The following PKIA variants were observed in gnomAD, a reference collection of about 807,000 sequenced individuals.
The protein encoded by PKIA is PKI-alpha.
PKIA carries 4 observed loss-of-function variants against 7.6 expected under a neutral mutation model. The ratio of observed to expected loss-of-function variants is 0.52; its 90% confidence interval spans 0.26 to 1.20. PKIA has a LOEUF of 1.20. Among genes scored for constraint, PKIA ranks in the 50% most tolerant of loss-of-function variants. PKIA has a pLI of 0.13. For missense variants in PKIA, 73 were observed against 86.2 expected (o/e 0.85, Z 0.61); for synonymous variants, 21 against 30.7 (o/e 0.68, Z 1.04).
At chr8:78,544,543 A>T (rs1467266896) in intron 1 of PKIA, among the ~76,000 whole-genome samples, 1 of 152,210 alleles carries the variant, frequency 6.6e-6, no homozygotes, top group East Asian at 1.9e-4. Flanking sequence ...CACCTAGCAC[A>T]TGGAAAACAC....
chr8:78,554,251 G>T (rs1373177256), intron 1 of PKIA, among the ~76,000 whole-genome samples: 1 of 151,966 alleles, frequency 6.6e-6, no homozygotes, highest in Non-Finnish European at 1.5e-5. Flanking sequence ...TTGACGCCAG[G>T]CCAGGGTTTT....
At chr8:78,576,731 G>C (rs1481347303) in intron 2 of PKIA, among the ~76,000 whole-genome samples, 2 of 151,990 alleles carry the variant, frequency 1.3e-5, no homozygotes, top group Non-Finnish European at 2.9e-5. Flanking sequence ...CCAGGATTTT[G>C]TCTTTGACAG....
intron 2 of PKIA, among the ~76,000 whole-genome samples, chr8:78,579,403 C>T (rs1807754681): frequency 6.6e-6 from 1 of 151,996 alleles, no homozygotes; most frequent in Non-Finnish European, 1.5e-5. Context: ...TTCCTTCTGC[C>T]TTACTGTCCA....
At chr8:78,546,715 C>T (rs1031560169) in intron 1 of PKIA, among the ~76,000 whole-genome samples, 1 of 152,134 alleles carries the variant, frequency 6.6e-6, no homozygotes, top group African/African-American at 2.4e-5. Context: ...AAATAGATGC[C>T]ATAAATATGT....
intron 1 of PKIA, among the ~76,000 whole-genome samples, chr8:78,550,860 T>C (rs1315325369): frequency 1.3e-5 from 2 of 152,050 alleles, no homozygotes; most frequent in Non-Finnish European, 2.9e-5. Flanking sequence ...ATCATTCTTA[T>C]GCCTTTGCAT....
chr8:78,571,654 T>C (rs1302590545), intron 1 of PKIA, among the ~76,000 whole-genome samples: 1 of 152,148 alleles, frequency 6.6e-6, no homozygotes, highest in Non-Finnish European at 1.5e-5. Flanking sequence ...TGTGCCTCTC[T>C]TGGCTTTCTT....
At chr8:78,553,494 T>C (rs1436092781) in intron 1 of PKIA, among the ~76,000 whole-genome samples, 5 of 152,044 alleles carry the variant, frequency 3.3e-5, no homozygotes, top group African/African-American at 1.2e-4. Flanking sequence ...GTTTGTTTTA[T>C]TGAATTGGTT....
chr8:78,593,698 A>T (rs1808158878), intron 2 of PKIA, among the ~76,000 whole-genome samples: 1 of 152,200 alleles, frequency 6.6e-6, no homozygotes, highest in Admixed American at 6.5e-5. Flanking sequence ...TTACTCATAG[A>T]CAGGCTGCCT....
chr8:78,566,940 T>C (rs1011982691), intron 1 of PKIA, among the ~76,000 whole-genome samples: 2 of 152,168 alleles, frequency 1.3e-5, no homozygotes, highest in African/African-American at 4.8e-5. Context: ...TATTGCTTAT[T>C]GAATTGGAAT....
At chr8:78,582,372 A>G (rs964721369) in intron 2 of PKIA, among the ~76,000 whole-genome samples, 1 of 152,038 alleles carries the variant, frequency 6.6e-6, no homozygotes, top group Non-Finnish European at 1.5e-5. Context: ...ACAGGGTGGC[A>G]GGAGAGAGAA....
intron 2 of PKIA, among the ~76,000 whole-genome samples, chr8:78,589,264 T>C (rs541145269): frequency 1.3e-5 from 2 of 152,208 alleles, no homozygotes; most frequent in Non-Finnish European, 2.9e-5. Flanking sequence ...AAATAAAATT[T>C]AAAGAGCATA....
At chr8:78,523,411 G>C (rs972834944) in intron 1 of PKIA, among the ~76,000 whole-genome samples, 5 of 151,846 alleles carry the variant, frequency 3.3e-5, no homozygotes. Context: ...GTCTGAATAA[G>C]CAACACCATG....
intron 1 of PKIA, among the ~76,000 whole-genome samples, chr8:78,568,193 A>G (rs1160749997): frequency 4.6e-5 from 7 of 152,198 alleles, no homozygotes; most frequent in Non-Finnish European, 7.3e-5. Flanking sequence ...GTTGCTATGC[A>G]TATGTACATC....
At chr8:78,585,355 C>T (rs1807924593) in intron 2 of PKIA, among the ~76,000 whole-genome samples, 1 of 151,874 alleles carries the variant, frequency 6.6e-6, no homozygotes, top group Non-Finnish European at 1.5e-5. Context: ...CTTAAACTAG[C>T]CTGAAAGATT....
chr8:78,597,598 C>T (rs1808255581), intron 2 of PKIA, among the ~76,000 whole-genome samples: 1 of 152,116 alleles, frequency 6.6e-6, no homozygotes, highest in Admixed American at 6.5e-5. Flanking sequence ...CCCACCTGAT[C>T]TCAAGTTCTC....
At chr8:78,598,322 A>C in intron 2 of PKIA, 36 bp from the exon 3 acceptor site, 2 of 1,321,612 alleles carry the variant, frequency 1.5e-6, no homozygotes, top group Non-Finnish European at 2.1e-6. Context: ...ATTGACTACC[A>C]TTATATTCAC....
At chr8:78,520,928 CTTACT>C (rs940765335) in intron 1 of PKIA, among the ~76,000 whole-genome samples, 11 of 152,112 alleles carry the variant, frequency 7.2e-5, no homozygotes, top group African/African-American at 2.4e-4. Context: ...TGTTTTTCTC[CTTACT>C]TTAAGACCTG....
At chr8:78,587,004 C>T (rs746839820) in intron 2 of PKIA, among the ~76,000 whole-genome samples, 10 of 151,976 alleles carry the variant, frequency 6.6e-5, no homozygotes, top group African/African-American at 1.7e-4. Flanking sequence ...ACTATTAAAC[C>T]GTAGCTGTTT....
chr8:78,522,744 C>G (rs1052686109), intron 1 of PKIA, among the ~76,000 whole-genome samples: 1 of 151,864 alleles, frequency 6.6e-6, no homozygotes, highest in East Asian at 1.9e-4. Context: ...ACATCTCTAG[C>G]TAGTTTTTAG....
Sources: gnomAD v4.1 joint callset for allele counts (sites outside exome capture counted in the v4.1 genomes callset) on GRCh38, gnomAD v4.1.1 for gene constraint, MANE v1.5 for transcripts, NCBI Gene and HGNC (gene_info 2026-07-23, HGNC 2026-07-21) for gene names.